The following RCAN2 variants were observed in gnomAD, a reference collection of about 807,000 sequenced individuals.
RCAN2 encodes regulator of calcineurin 2, also known as calcipressin-2.
RCAN2 carries 9 observed loss-of-function variants against 23.6 expected under a neutral mutation model. That is an observed-to-expected ratio of 0.38 (90% CI 0.23 to 0.67). The LOEUF is 0.67. Among genes scored for constraint, RCAN2 ranks in the 30% least tolerant of loss-of-function variants. The pLI is 0.51. For missense variants in RCAN2, 273 were observed against 302.3 expected, an observed-to-expected ratio of 0.90 and a Z score of 0.72; for synonymous variants, 109 against 115.7, an observed-to-expected ratio of 0.94 and a Z score of 0.37.
intron 2 of RCAN2, among the ~76,000 whole-genome samples, chr6:46,257,302 A>C (rs1308400063): frequency 6.6e-6 from 1 of 152,206 alleles, no homozygotes; most frequent in Non-Finnish European, 1.5e-5. Flanking sequence ...AACTTCTAAA[A>C]TATTATCTCA....
chr6:46,484,215 A>G (rs909655987), intron 1 of RCAN2, among the ~76,000 whole-genome samples: 1 of 152,268 alleles, frequency 6.6e-6, no homozygotes, highest in African/African-American at 2.4e-5. Flanking sequence ...TCAAAATACT[A>G]TAATTGATAT....
chr6:46,336,953 C>CAAAAAAAAAA, intron 2 of RCAN2, among the ~76,000 whole-genome samples: 1 of 130,340 alleles, frequency 7.7e-6, no homozygotes, highest in Non-Finnish European at 1.6e-5. Flanking sequence ...TTGGAAGTAC[C>CAAAAAAAAAA]AAAAAAAAAA....
intron 2 of RCAN2, among the ~76,000 whole-genome samples, chr6:46,419,269 T>G (rs1424917882): frequency 6.6e-6 from 1 of 152,178 alleles, no homozygotes; most frequent in Non-Finnish European, 1.5e-5. Flanking sequence ...TGTAAAGCAT[T>G]TAATAGTATA....
chr6:46,241,944 C>T (rs1011745310), intron 4 of RCAN2, among the ~76,000 whole-genome samples: 7 of 152,062 alleles, frequency 4.6e-5, no homozygotes, highest in Non-Finnish European at 8.8e-5. Flanking sequence ...ATGTATAATA[C>T]CTATTTTACT....
intron 2 of RCAN2, among the ~76,000 whole-genome samples, chr6:46,387,863 T>C (rs529875155): frequency 6.6e-6 from 1 of 152,088 alleles, no homozygotes. Flanking sequence ...CAAATGTCCA[T>C]CAATGATAGA....
At chr6:46,297,173 T>G (rs1295103049) in intron 2 of RCAN2, among the ~76,000 whole-genome samples, 2 of 152,116 alleles carry the variant, frequency 1.3e-5, no homozygotes, top group African/African-American at 2.4e-5. Context: ...ATATTTTCAC[T>G]GCAGCAGGTA....
At chr6:46,289,240 T>C (rs1762464271) in intron 2 of RCAN2, among the ~76,000 whole-genome samples, 2 of 151,558 alleles carry the variant, frequency 1.3e-5, no homozygotes. Flanking sequence ...TTCACTATTT[T>C]TTCCCCCCAG....
intron 1 of RCAN2, among the ~76,000 whole-genome samples, chr6:46,474,620 G>T (rs566705469): frequency 1.3e-5 from 2 of 152,258 alleles, no homozygotes; most frequent in South Asian, 4.1e-4. Context: ...AGAAGTGGGA[G>T]AATTAGGAAA....
chr6:46,354,905 G>A (rs1300809352), intron 2 of RCAN2, among the ~76,000 whole-genome samples: 2 of 48,842 alleles, frequency 4.1e-5, no homozygotes, highest in East Asian at 1.3e-3. Context: ...ATATGTGTGT[G>A]TGTGTGTGTG....
Position 46,246,778 on chromosome 6 carries a change from G to A in RCAN2, c.541C>T (p.Leu181Phe), listed in dbSNP as rs1348806681. ...NDATPVLNYDLLYAVAKLGPG... is the reference protein window; with the variant it reads ...NDATPVLNYDFLYAVAKLGPG... ...CCTAGTTTGGCCACAGCATAGAGGA[G>A]GTCATAGTTGAGGACTGGCGTGGCA... Residue 181 changes from leucine (L) to phenylalanine (F), a missense_variant, in exon 4 of 5, where the codon CTC becomes TTC. By Grantham distance (22) the Leu-to-Phe change is conservative. Transcript: ENST00000371374. The A allele has an allele frequency of 8.1e-6, 13 of 1,613,756 alleles. No individual in the cohort carries two copies. Among genetic ancestry groups the A allele is most frequent in the East Asian group, 2.2e-5 (1 of 44,800 alleles).
At chr6:46,237,663 C>G (rs1435058909) in intron 4 of RCAN2, among the ~76,000 whole-genome samples, 1 of 152,172 alleles carries the variant, frequency 6.6e-6, no homozygotes, top group Non-Finnish European at 1.5e-5. Flanking sequence ...TATCCAAAAT[C>G]CAAAACACTT....
chr6:46,274,688 C>T (rs746826014), intron 2 of RCAN2, among the ~76,000 whole-genome samples: 1 of 152,166 alleles, frequency 6.6e-6, no homozygotes, highest in Non-Finnish European at 1.5e-5. Flanking sequence ...AATCCCTCTC[C>T]CATGTCCTAT....
intron 4 of RCAN2, among the ~76,000 whole-genome samples, chr6:46,224,826 A>C (rs1765596848): frequency 6.6e-6 from 1 of 151,894 alleles, no homozygotes; most frequent in South Asian, 2.1e-4. Context: ...TCTAGGGTAC[A>C]TGTGCACAAT....
intron 2 of RCAN2, among the ~76,000 whole-genome samples, chr6:46,394,906 G>A (rs1381027630): frequency 2.0e-5 from 3 of 152,112 alleles, no homozygotes; most frequent in East Asian, 1.9e-4. Context: ...TTTGAAGGAA[G>A]CATTAAATGA....
intron 2 of RCAN2, among the ~76,000 whole-genome samples, chr6:46,440,427 A>G (rs1040133758): frequency 2.0e-5 from 3 of 152,064 alleles, no homozygotes; most frequent in Non-Finnish European, 4.4e-5. Context: ...ATGTTATTCT[A>G]AAAATATCAT....
At chr6:46,422,800 A>G (rs1254722501) in intron 2 of RCAN2, among the ~76,000 whole-genome samples, 1 of 152,232 alleles carries the variant, frequency 6.6e-6, no homozygotes, top group African/African-American at 2.4e-5. Flanking sequence ...CAAGGCAGAG[A>G]AGTTGAAAAT....
intron 2 of RCAN2, among the ~76,000 whole-genome samples, chr6:46,280,313 A>T (rs552006824): frequency 1.8e-4 from 27 of 152,248 alleles, no homozygotes; most frequent in African/African-American, 5.1e-4. Flanking sequence ...TATTTTTTTT[A>T]AAAATGAGAA....
At chr6:46,317,211 T>A (rs1230581685) in intron 2 of RCAN2, among the ~76,000 whole-genome samples, 1 of 152,180 alleles carries the variant, frequency 6.6e-6, no homozygotes, top group Non-Finnish European at 1.5e-5. Flanking sequence ...CTAGATGGCA[T>A]AATTAGATTT....
intron 1 of RCAN2, among the ~76,000 whole-genome samples, chr6:46,460,519 C>A (rs1768176150): frequency 6.6e-6 from 1 of 152,198 alleles, no homozygotes; most frequent in South Asian, 2.1e-4. Context: ...AGGCCATTTT[C>A]CGGGAGGGCT....
Sources: gnomAD v4.1 joint callset for allele counts (sites outside exome capture counted in the v4.1 genomes callset) on GRCh38, gnomAD v4.1.1 for gene constraint, MANE v1.5 for transcripts, NCBI Gene and HGNC (gene_info 2026-07-23, HGNC 2026-07-21) for gene names.